PAWR: variants seen among roughly 807,000 people sequenced by gnomAD.
PAWR encodes the protein PRKC apoptosis WT1 regulator protein.
PAWR carries 23 observed loss-of-function variants against 32.0 expected under a neutral mutation model. That is an observed-to-expected ratio of 0.72 (90% CI 0.52 to 1.02). The LOEUF (loss-of-function observed/expected upper bound fraction) is 1.02, where lower values mean the gene tolerates loss of function less well. Ranked by LOEUF, PAWR falls within the 50% of genes least tolerant of loss-of-function variation. The pLI is 0.00. For synonymous variants in PAWR, 226 were observed against 187.1 expected (o/e 1.21, Z -1.70); for missense variants, 457 against 437.7 (o/e 1.04, Z -0.39).
intron 4 of PAWR, among the ~76,000 whole-genome samples, chr12:79,600,193 T>G (rs187818246): frequency 3.5e-4 from 53 of 152,310 alleles, no homozygotes; most frequent in African/African-American, 1.2e-3. Flanking sequence ...TTGAAATTAC[T>G]TCCATTGTCA....
intron 2 of PAWR, chr12:79,635,524 A>G (rs1875919973): frequency 1.3e-5 from 2 of 152,154 alleles, no homozygotes. Context: ...AAATAAGTTT[A>G]TAATTATCTG....
intron 2 of PAWR, among the ~76,000 whole-genome samples, chr12:79,626,503 C>A (rs1323789168): frequency 6.6e-6 from 1 of 151,596 alleles, no homozygotes; most frequent in Non-Finnish European, 1.5e-5. Flanking sequence ...TCGTGATCCA[C>A]CCCCCACGGC....
chr12:79,605,498 G>A (rs559690051), intron 4 of PAWR, among the ~76,000 whole-genome samples: 1 of 151,686 alleles, frequency 6.6e-6, no homozygotes, highest in Non-Finnish European at 1.5e-5. Context: ...GACATATAAT[G>A]TGTGTATATA....
intron 4 of PAWR, among the ~76,000 whole-genome samples, chr12:79,607,844 A>G (rs1454775629): frequency 6.6e-6 from 1 of 152,070 alleles, no homozygotes; most frequent in Non-Finnish European, 1.5e-5. Flanking sequence ...CAAAACAAGA[A>G]CTACTGGTTA....
In PAWR at chr12:79,682,382, T is replaced by A. The variant is rs1324677652; in HGVS notation, c.516+7347A>T. Among the ~76,000 whole-genome samples, 4 of 152,306 alleles carry A rather than the reference T, an allele frequency of 2.6e-5. No homozygotes were observed. The East Asian group carries it at 7.7e-4, about 29-fold the overall frequency. On this transcript the variant is annotated intron_variant, in intron 2 of 6. Coordinates refer to ENST00000328827, the MANE Select transcript of PAWR (RefSeq NM_002583.4). Reference sequence around the variant, plus strand: ...GCTGCCACAGAATTGTAATCCACAATATAAATTCTCTCCTATCTGTTCACT... The same window carrying A: ...GCTGCCACAGAATTGTAATCCACAAAATAAATTCTCTCCTATCTGTTCACT...
chr12:79,686,618 G>A (rs1465377259), intron 2 of PAWR, among the ~76,000 whole-genome samples: 2 of 152,176 alleles, frequency 1.3e-5, no homozygotes, highest in African/African-American at 2.4e-5. Context: ...CTATCAATGT[G>A]CTGCTCAAGT....
chr12:79,684,448 T>G (rs556993091), intron 2 of PAWR, among the ~76,000 whole-genome samples: 1 of 151,956 alleles, frequency 6.6e-6, no homozygotes, highest in East Asian at 1.9e-4. Flanking sequence ...CCATCTCTAC[T>G]AAAAATACAA....
intron 2 of PAWR, among the ~76,000 whole-genome samples, chr12:79,687,680 T>G (rs548286968): frequency 4.6e-5 from 7 of 152,264 alleles, no homozygotes; most frequent in Admixed American, 1.3e-4. Flanking sequence ...ACTGGTATTC[T>G]CAATGTTGAA....
chr12:79,682,891 T>C (rs1878509865), intron 2 of PAWR, among the ~76,000 whole-genome samples: 1 of 152,282 alleles, frequency 6.6e-6, no homozygotes, highest in African/African-American at 2.4e-5. Context: ...ATGTTTGCAC[T>C]TGATAGTAGT....
At chr12:79,683,759 T>C (rs1878554628) in intron 2 of PAWR, among the ~76,000 whole-genome samples, 1 of 152,196 alleles carries the variant, frequency 6.6e-6, no homozygotes, top group Non-Finnish European at 1.5e-5. Flanking sequence ...ATCCAACTAT[T>C]AGGCTGGTGC....
At chr12:79,660,881 G>A (rs1877316722) in intron 2 of PAWR, among the ~76,000 whole-genome samples, 1 of 151,668 alleles carries the variant, frequency 6.6e-6, no homozygotes, top group Admixed American at 6.6e-5. Flanking sequence ...ATTGCGGCCA[G>A]CCACTGTATT....
chr12:79,608,326 G>A (rs10862001), intron 4 of PAWR, among the ~76,000 whole-genome samples: 54,531 of 152,058 alleles, frequency 0.36, 16,599 homozygotes, highest in African/African-American at 0.84. Context: ...GGATGGTTTC[G>A]GGATGAAACT....
chr12:79,674,323 C>T (rs1878052775), intron 2 of PAWR, among the ~76,000 whole-genome samples: 1 of 151,858 alleles, frequency 6.6e-6, no homozygotes, highest in Non-Finnish European at 1.5e-5. Context: ...ATTCAATAAA[C>T]AGTGCTGAGA....
At chr12:79,664,033 T>C (rs1565696292) in intron 2 of PAWR, among the ~76,000 whole-genome samples, 1 of 152,068 alleles carries the variant, frequency 6.6e-6, no homozygotes, top group East Asian at 1.9e-4. Context: ...ATGGGAGAAA[T>C]AGCTTATAAT....
At chr12:79,670,518 G>A (rs1877838874) in intron 2 of PAWR, among the ~76,000 whole-genome samples, 1 of 151,952 alleles carries the variant, frequency 6.6e-6, no homozygotes, top group Admixed American at 6.6e-5. Flanking sequence ...AAAATCATTA[G>A]GTTTCAAAAT....
intron 2 of PAWR, among the ~76,000 whole-genome samples, chr12:79,664,345 A>AT (rs1283194382): frequency 7.2e-5 from 11 of 152,306 alleles, no homozygotes; most frequent in Admixed American, 1.3e-4. Flanking sequence ...AATTAAAAAA[A>AT]ATATATAGTA....
Position 79,589,527 on chromosome 12 carries a change from T to G in PAWR, c.*3080A>C, listed in dbSNP as rs529751730. 32 of 152,198 alleles carry G rather than the reference T, an allele frequency of 2.1e-4. No homozygotes were observed. Among genetic ancestry groups the G allele is most frequent in the African/African-American group, 7.2e-4 (30 of 41,558 alleles). 9.4% of individuals were successfully genotyped at this position (152,198 alleles called of 1,614,324 possible). A position where few individuals can be genotyped will look rare whatever the true frequency, so the allele number is the denominator to read the frequency against. On this transcript the variant is annotated 3_prime_UTR_variant, in exon 7 of 7. Transcript: ENST00000328827. ...TACCTGATACTTAATTTTCTATGTT[T>G]GAAACTACTTGAACAAGTGTGACAG...
rs2136910465 is a variant in PAWR, at chr12:79,690,923, G to A, written c.-199C>T. 6.6e-6 allele frequency: 1 copy of A among 152,350 alleles called. No homozygotes were observed. The highest frequency in any genetic ancestry group is 1.9e-4 in the East Asian group (1 of 5,130). The allele number at this position is 152,350 out of a possible 1,614,324, so 9.4% of individuals were successfully genotyped here. A position where few individuals can be genotyped will look rare whatever the true frequency, so the allele number is the denominator to read the frequency against. ...CGTAGGGCTGGGATCCGGCTCCCAG[G>A]TGTGCCGAAGCTGGCGCGCGCTCTT... On this transcript the variant is annotated 5_prime_UTR_variant, in exon 1 of 7. Coordinates refer to ENST00000328827, the MANE Select transcript of PAWR (RefSeq NM_002583.4).
chr12:79,656,177 A>G (rs1319535760), intron 2 of PAWR, among the ~76,000 whole-genome samples: 1 of 152,232 alleles, frequency 6.6e-6, no homozygotes, highest in African/African-American at 2.4e-5. Context: ...AATGCTGTAA[A>G]CCACCTTAAA....
Sources: gnomAD v4.1 joint callset for allele counts (sites outside exome capture counted in the v4.1 genomes callset) on GRCh38, gnomAD v4.1.1 for gene constraint, MANE v1.5 for transcripts, NCBI Gene and HGNC (gene_info 2026-07-23, HGNC 2026-07-21) for gene names.